Variants in CATSPERE observed in about 807,000 individuals in gnomAD.
The protein encoded by CATSPERE is catsper channel auxiliary subunit epsilon.
In CATSPERE, 93 loss-of-function variants were observed where a neutral mutation model predicts 114.1. The observed-to-expected ratio is 0.81, with a 90% confidence interval of 0.69 to 0.97. The LOEUF is 0.97. Ranked by LOEUF, CATSPERE falls within the 50% of genes least tolerant of loss-of-function variation. The pLI is 0.00. For missense variants in CATSPERE, 1,058 were observed against 1,131.6 expected (o/e 0.93, Z 0.93); for synonymous variants, 341 against 384.1 (o/e 0.89, Z 1.31).
At chr1:244,501,486 T>C (rs976069324) in intron 7 of CATSPERE, among the ~76,000 whole-genome samples, 2 of 152,192 alleles carry the variant, frequency 1.3e-5, no homozygotes, top group African/African-American at 4.8e-5. Flanking sequence ...TTTTAATGAG[T>C]CAAGAGCTGT....
At chr1:244,630,220 T>C (rs1673750762) in intron 20 of CATSPERE, among the ~76,000 whole-genome samples, 2 of 152,176 alleles carry the variant, frequency 1.3e-5, no homozygotes, top group South Asian at 4.1e-4. Context: ...TGAGCCTCAG[T>C]CAGTCTGATA....
intron 5 of CATSPERE, among the ~76,000 whole-genome samples, chr1:244,485,333 C>A (rs976512093): frequency 1.3e-5 from 2 of 151,968 alleles, no homozygotes; most frequent in African/African-American, 4.8e-5. Flanking sequence ...AGGCACCCAC[C>A]ACCACACCTG....
intron 10 of CATSPERE, among the ~76,000 whole-genome samples, chr1:244,563,878 T>C (rs1442923991): frequency 6.6e-6 from 1 of 152,216 alleles, no homozygotes; most frequent in African/African-American, 2.4e-5. Context: ...TTTAGGGTTT[T>C]TGTGGTGTTA....
At chr1:244,553,288 G>A (rs899544270) in intron 9 of CATSPERE, among the ~76,000 whole-genome samples, 21 of 152,034 alleles carry the variant, frequency 1.4e-4, no homozygotes, top group African/African-American at 3.4e-4. Context: ...CTGGCCGGGC[G>A]CGGTGGCTCA....
intron 2 of CATSPERE, among the ~76,000 whole-genome samples, chr1:244,469,305 A>G (rs1247354516): frequency 6.6e-6 from 1 of 152,194 alleles, no homozygotes; most frequent in Non-Finnish European, 1.5e-5. Flanking sequence ...AATACATATA[A>G]GTACATAAAA....
chr1:244,508,335 C>G (rs903883177), intron 7 of CATSPERE, among the ~76,000 whole-genome samples: 4 of 145,226 alleles, frequency 2.8e-5, no homozygotes, highest in Admixed American at 7.0e-5. Flanking sequence ...GAGTCTCACT[C>G]TGTCACCCAG....
At chr1:244,621,870 A>G (rs891312475) in intron 20 of CATSPERE, among the ~76,000 whole-genome samples, 2 of 152,214 alleles carry the variant, frequency 1.3e-5, no homozygotes, top group South Asian at 2.1e-4. Context: ...TGAAAAGAAA[A>G]TTAGTCAACT....
At chr1:244,579,054 A>G (rs1050224152) in intron 11 of CATSPERE, among the ~76,000 whole-genome samples, 1 of 151,962 alleles carries the variant, frequency 6.6e-6, no homozygotes, top group Non-Finnish European at 1.5e-5. Flanking sequence ...TGCACTAAAC[A>G]TGATAAAAAA....
intron 7 of CATSPERE, among the ~76,000 whole-genome samples, chr1:244,513,178 C>G (rs1219435991): frequency 6.6e-6 from 1 of 152,104 alleles, no homozygotes; most frequent in African/African-American, 2.4e-5. Context: ...GGAGGCCAAC[C>G]CTTCAGCCCC....
At chr1:244,557,132 A>G (rs966123105) in intron 9 of CATSPERE, among the ~76,000 whole-genome samples, 4 of 152,038 alleles carry the variant, frequency 2.6e-5, no homozygotes, top group Non-Finnish European at 4.4e-5. Flanking sequence ...TAGCTTTGTA[A>G]TGTAGTTTGA....
At position 244,524,600 on chromosome 1, in the gene CATSPERE, G is replaced by A. The variant is rs559056644; in HGVS notation, c.536+5902G>A. 1.1e-4 allele frequency among the ~76,000 whole-genome samples: 16 copies of A among 151,886 alleles called. No homozygotes were observed. In the South Asian group the frequency reaches 3.3e-3, roughly 32 times the overall value. On this transcript the variant is annotated intron_variant, in intron 8 of 21. Transcript: ENST00000366534. ...TCACAACCTACTCATCTGACAAAGG[G>A]CTAATATCCAGAATCTACAATGAAC... is the stretch of plus-strand genomic sequence containing the variant.
At position 244,625,430 on chromosome 1, in the gene CATSPERE, A is replaced by ATT. The variant is rs1476267922; in HGVS notation, c.2648+7745_2648+7746insTT. 1.2e-3 allele frequency among the ~76,000 whole-genome samples: 5 copies of ATT among 4,340 alleles called. 1 individual carries two copies. Among genetic ancestry groups the ATT allele is most frequent in the African/African-American group, 2.2e-3 (4 of 1,832 alleles). The allele number at this position is 4,340 out of a possible 152,430, so 2.8% of individuals were successfully genotyped here. ...TTTATATATATATATATATATATAT[A>ATT]TATTTTTTTTTTTTTTTGAGATGGA... On this transcript the variant is annotated intron_variant, in intron 20 of 21. Transcript: ENST00000366534.
At chr1:244,598,862 C>T (rs1018784020) in intron 17 of CATSPERE, among the ~76,000 whole-genome samples, 1 of 151,974 alleles carries the variant, frequency 6.6e-6, no homozygotes, top group African/African-American at 2.4e-5. Context: ...GTCACATGGG[C>T]CAGGATGTCT....
chr1:244,494,856 A>G (rs539611120), intron 6 of CATSPERE, among the ~76,000 whole-genome samples: 49 of 152,348 alleles, frequency 3.2e-4, no homozygotes, highest in Admixed American at 1.4e-3. Context: ...TCATGTGCCC[A>G]TAACTACTCC....
intron 9 of CATSPERE, among the ~76,000 whole-genome samples, chr1:244,559,811 A>G (rs567092634): frequency 1.3e-5 from 2 of 152,308 alleles, no homozygotes; most frequent in Non-Finnish European, 2.9e-5. Flanking sequence ...AAAGATTTAA[A>G]AGGAATTAAA....
intron 6 of CATSPERE, among the ~76,000 whole-genome samples, chr1:244,491,262 A>G (rs1233767346): frequency 6.6e-6 from 1 of 152,250 alleles, no homozygotes; most frequent in Non-Finnish European, 1.5e-5. Flanking sequence ...ACCACAGTGC[A>G]ATCAAACTAG....
At chr1:244,557,583 A>ATATATATATATATATATAT (rs59833011) in intron 9 of CATSPERE, among the ~76,000 whole-genome samples, 2 of 103,524 alleles carry the variant, frequency 1.9e-5, no homozygotes, top group Non-Finnish European at 3.8e-5. Context: ...ATATATATAT[A>ATATATATATATATATATAT]AAATCTCCCA....
chr1:244,588,060 G>T (rs1000466887), intron 13 of CATSPERE, among the ~76,000 whole-genome samples: 2 of 152,012 alleles, frequency 1.3e-5, no homozygotes, highest in African/African-American at 2.4e-5. Context: ...TGGGCGTGGT[G>T]GTGCATGCCT....
intron 7 of CATSPERE, among the ~76,000 whole-genome samples, chr1:244,517,676 A>G (rs3003278): frequency 0.13 from 20,271 of 151,596 alleles, 2,527 homozygotes; most frequent in African/African-American, 0.32. Flanking sequence ...GGGAGGCTGA[A>G]GTAGGAGAAT....
Sources: allele counts gnomAD v4.1 joint callset (sites outside exome capture counted in the v4.1 genomes callset), GRCh38; gene constraint gnomAD v4.1.1; transcripts MANE v1.5; gene names NCBI Gene and HGNC (gene_info 2026-07-23, HGNC 2026-07-21).